The following NCAM2 variants were observed in gnomAD, a reference collection of about 807,000 sequenced individuals.
NCAM2 encodes the protein neural cell adhesion molecule 2.
A neutral mutation model predicts 98.1 loss-of-function variants in NCAM2; 30 were observed. The observed-to-expected ratio is 0.31, with a 90% confidence interval of 0.23 to 0.41. The LOEUF is 0.41. Ranked by LOEUF, NCAM2 falls within the 10% of genes least tolerant of loss-of-function variation. The pLI is 1.00. For synonymous variants in NCAM2, 368 were observed against 342.4 expected (o/e 1.07, Z -0.83); for missense variants, 867 against 1,005.8 (o/e 0.86, Z 1.87).
chr21:21,336,353 C>T (rs1460246983), intron 7 of NCAM2, among the ~76,000 whole-genome samples: 1 of 111,918 alleles, frequency 8.9e-6, no homozygotes, highest in African/African-American at 3.5e-5. Context: ...GCTTTCACAA[C>T]AAAAAGAGGG....
At chr21:21,388,912 A>G (rs1218157219) in intron 9 of NCAM2, among the ~76,000 whole-genome samples, 1 of 152,252 alleles carries the variant, frequency 6.6e-6, no homozygotes, top group Non-Finnish European at 1.5e-5. Flanking sequence ...ATATCTCACT[A>G]ATTTTGTTAC....
In NCAM2 at chr21:21,196,661, G is replaced by A. The variant is rs976254512; in HGVS notation, c.56-83917G>A. On this transcript the variant is annotated intron_variant, in intron 1 of 17. Transcript: ENST00000400546. ...CAAGTATCAAGTAGTGAGTGTGGTG[G>A]TGATATGGCAGGGGCCAGAAACTGG... is the stretch of plus-strand genomic sequence containing the variant. 2.7e-4 allele frequency among the ~76,000 whole-genome samples: 41 copies of A among 152,224 alleles called. 1 individual carries two copies. The highest frequency in any genetic ancestry group is 7.3e-5 in the Non-Finnish European group (5 of 68,042).
chr21:21,177,884 C>G (rs1325983280), intron 1 of NCAM2, among the ~76,000 whole-genome samples: 2 of 151,914 alleles, frequency 1.3e-5, no homozygotes, highest in African/African-American at 4.8e-5. Context: ...GTTGTATTGA[C>G]CATAACTGCT....
At chr21:21,168,376 T>A (rs2068018172) in intron 1 of NCAM2, among the ~76,000 whole-genome samples, 4 of 152,116 alleles carry the variant, frequency 2.6e-5, no homozygotes, top group Admixed American at 2.6e-4. Context: ...CCCATTAAGA[T>A]TCGGGAGTAA....
In NCAM2 at chr21:21,420,342, T is replaced by A. The variant is rs537031853; in HGVS notation, c.1480+1773T>A. Among the ~76,000 whole-genome samples the A allele has an allele frequency of 2.0e-5, 3 of 152,146 alleles. No individual in the cohort carries two copies. The South Asian group carries it at 6.2e-4, about 32-fold the overall frequency. On this transcript the variant is annotated intron_variant, in intron 11 of 17. Coordinates refer to ENST00000400546, the MANE Select transcript of NCAM2 (RefSeq NM_004540.5). ...CAGAAAGCCAGATATTGTTTACTTA[T>A]TTATAAAATTTGCCATTATGTTTTA...
chr21:21,062,189 G>T (rs906247475), intron 1 of NCAM2, among the ~76,000 whole-genome samples: 5 of 152,032 alleles, frequency 3.3e-5, no homozygotes, highest in Admixed American at 3.3e-4. Context: ...TTAAATATTG[G>T]CATATACGTA....
At chr21:21,522,909 C>T (rs2146393764) in intron 16 of NCAM2, among the ~76,000 whole-genome samples, 2 of 152,226 alleles carry the variant, frequency 1.3e-5, no homozygotes, top group South Asian at 2.1e-4. Flanking sequence ...CAGGCGTGAG[C>T]CACTGTGCCT....
At chr21:21,209,051 A>G (rs1160771552) in intron 1 of NCAM2, among the ~76,000 whole-genome samples, 1 of 152,004 alleles carries the variant, frequency 6.6e-6, no homozygotes, top group African/African-American at 2.4e-5. Flanking sequence ...TCTGTGAAAT[A>G]TATTGATTTT....
intron 1 of NCAM2, among the ~76,000 whole-genome samples, chr21:21,175,392 G>A (rs956803053): frequency 1.3e-5 from 2 of 152,104 alleles, no homozygotes; most frequent in East Asian, 3.9e-4. Flanking sequence ...AATTATCTGG[G>A]CATGGTGGCA....
intron 1 of NCAM2, among the ~76,000 whole-genome samples, chr21:21,075,271 G>A (rs181748279): frequency 6.6e-6 from 1 of 152,188 alleles, no homozygotes; most frequent in Admixed American, 6.5e-5. Context: ...AACCACCATG[G>A]TATGTGTATA....
intron 1 of NCAM2, among the ~76,000 whole-genome samples, chr21:21,065,745 T>G (rs1370305408): frequency 6.6e-6 from 1 of 152,170 alleles, no homozygotes; most frequent in Admixed American, 6.5e-5. Flanking sequence ...GCTTCGTTAT[T>G]TTGATGGGAG....
intron 5 of NCAM2, among the ~76,000 whole-genome samples, chr21:21,305,499 A>G (rs2073853176): frequency 1.3e-5 from 2 of 152,072 alleles, no homozygotes; most frequent in South Asian, 4.1e-4. Context: ...ACTTTGGGAG[A>G]CAGGGCATTC....
intron 9 of NCAM2, among the ~76,000 whole-genome samples, chr21:21,396,406 G>C (rs771883066): frequency 6.6e-6 from 1 of 152,220 alleles, no homozygotes; most frequent in African/African-American, 2.4e-5. Context: ...GACTGCTGGT[G>C]GGGATGTAGA....
chr21:21,102,633 A>C (rs190877239), intron 1 of NCAM2, among the ~76,000 whole-genome samples: 1 of 148,866 alleles, frequency 6.7e-6, no homozygotes, highest in Admixed American at 6.8e-5. Flanking sequence ...AGGGGGGAAA[A>C]AGAAAGGAAA....
intron 6 of NCAM2, among the ~76,000 whole-genome samples, chr21:21,334,855 A>G (rs937047992): frequency 7.2e-5 from 10 of 138,630 alleles, no homozygotes; most frequent in Non-Finnish European, 1.1e-4. Flanking sequence ...TTCAGTAGAG[A>G]AAAAAAACCT....
At chr21:21,187,887 T>A (rs2068693466) in intron 1 of NCAM2, among the ~76,000 whole-genome samples, 1 of 152,194 alleles carries the variant, frequency 6.6e-6, no homozygotes, top group African/African-American at 2.4e-5. Context: ...TCTGAACTTC[T>A]AGACTTCAAA....
intron 1 of NCAM2, among the ~76,000 whole-genome samples, chr21:21,066,482 G>A (rs1443984537): frequency 6.6e-6 from 1 of 151,888 alleles, no homozygotes; most frequent in African/African-American, 2.4e-5. Context: ...TTTTACTGTT[G>A]CTTCTGCTAT....
At chr21:21,457,168 T>C (rs1229125494) in intron 12 of NCAM2, among the ~76,000 whole-genome samples, 4 of 149,634 alleles carry the variant, frequency 2.7e-5, no homozygotes, top group African/African-American at 9.9e-5. Context: ...AGGGAAATTC[T>C]TGTGAGGGCC....
At chr21:21,343,691 A>G (rs1602048609) in intron 8 of NCAM2, among the ~76,000 whole-genome samples, 1 of 152,206 alleles carries the variant, frequency 6.6e-6, no homozygotes, top group Non-Finnish European at 1.5e-5. Context: ...AACCAGCCCT[A>G]GCCAGAAAGG....
Sources: allele counts gnomAD v4.1 joint callset (sites outside exome capture counted in the v4.1 genomes callset), GRCh38; gene constraint gnomAD v4.1.1; transcripts MANE v1.5; gene names NCBI Gene and HGNC (gene_info 2026-07-23, HGNC 2026-07-21).